FLI1: variants seen among roughly 807,000 people sequenced by gnomAD.
FLI1 encodes Friend leukemia integration 1 transcription factor.
Under a neutral mutation model 53.1 loss-of-function variants are expected in FLI1, and 13 were observed. The observed-to-expected ratio is 0.24, with a 90% CI of 0.16 to 0.39. The LOEUF is 0.39. Among genes scored for constraint, FLI1 ranks in the 10% least tolerant of loss-of-function variants. The pLI is 1.00. For synonymous variants in FLI1, 244 were observed against 236.7 expected (o/e 1.03, Z -0.28); for missense variants, 424 against 600.5 (o/e 0.71, Z 3.07).
chr11:128,702,646 G>C (rs1938384369), intron 1 of FLI1, among the ~76,000 whole-genome samples: 1 of 152,218 alleles, frequency 6.6e-6, no homozygotes, highest in African/African-American at 2.4e-5. Context: ...TGGATCACCT[G>C]AGGTCAGGAG....
At chr11:128,702,971 C>A (rs1225744062) in intron 1 of FLI1, among the ~76,000 whole-genome samples, 4 of 151,064 alleles carry the variant, frequency 2.6e-5, no homozygotes, top group Non-Finnish European at 4.4e-5. Flanking sequence ...TCCTATCATA[C>A]AAAGACTACT....
At chr11:128,713,392 G>A (rs563622426) in intron 1 of FLI1, among the ~76,000 whole-genome samples, 1 of 152,172 alleles carries the variant, frequency 6.6e-6, no homozygotes, top group African/African-American at 2.4e-5. Context: ...TTTTCAAATT[G>A]CATTGGGAAG....
At chr11:128,688,411 C>A (rs1388891230) in intron 1 of FLI1, among the ~76,000 whole-genome samples, 1 of 152,234 alleles carries the variant, frequency 6.6e-6, no homozygotes, top group Non-Finnish European at 1.5e-5. Flanking sequence ...TTGATGGCGG[C>A]GAAAGGTCTG....
chr11:128,780,040 A>G (rs1010326656), intron 4 of FLI1, among the ~76,000 whole-genome samples: 1 of 152,252 alleles, frequency 6.6e-6, no homozygotes, highest in Non-Finnish European at 1.5e-5. Context: ...TATGTGGTCC[A>G]TCTTTGCCCA....
Position 128,733,128 on chromosome 11 carries a change from C to T in FLI1, c.19-24987C>T, listed in dbSNP as rs113893740. Among the ~76,000 whole-genome samples, 13 of 152,086 alleles carry T rather than the reference C, an allele frequency of 8.5e-5. No homozygotes were observed. In the South Asian group the frequency reaches 2.1e-3, roughly 24 times the overall value. On this transcript the variant is annotated intron_variant, in intron 1 of 8. Coordinates refer to ENST00000527786, the MANE Select transcript of FLI1 (RefSeq NM_002017.5). ...ATCCTGAAGCTCCAAGGGAAAGGGC[C>T]GCACAATGCAGTCTGCAGCGTTTTC...
intron 1 of FLI1, among the ~76,000 whole-genome samples, chr11:128,702,580 G>C (rs1424899371): frequency 6.6e-6 from 1 of 152,096 alleles, no homozygotes; most frequent in South Asian, 2.1e-4. Flanking sequence ...ATTAACATGG[G>C]GCCAGGCACG....
At chr11:128,729,466 T>C (rs1312093575) in intron 1 of FLI1, among the ~76,000 whole-genome samples, 1 of 152,208 alleles carries the variant, frequency 6.6e-6, no homozygotes, top group South Asian at 2.1e-4. Flanking sequence ...GTGATGAGAC[T>C]GAACAATGGT....
intron 5 of FLI1, among the ~76,000 whole-genome samples, chr11:128,795,621 G>T (rs559072947): frequency 6.9e-6 from 1 of 145,876 alleles, no homozygotes; most frequent in South Asian, 2.1e-4. Flanking sequence ...GTTCAGTGAC[G>T]CTCACTGCAA....
intron 1 of FLI1, among the ~76,000 whole-genome samples, chr11:128,740,145 A>G (rs963638099): frequency 2.0e-5 from 3 of 152,190 alleles, no homozygotes; most frequent in Non-Finnish European, 4.4e-5. Flanking sequence ...CGGGAGTTGG[A>G]AGAGAAGCTA....
intron 1 of FLI1, among the ~76,000 whole-genome samples, chr11:128,737,590 A>G (rs1407653678): frequency 1.3e-5 from 2 of 152,214 alleles, no homozygotes; most frequent in African/African-American, 2.4e-5. Flanking sequence ...TGATGCATGA[A>G]TGTATTCTGT....
chr11:128,768,851 G>T (rs1288323253), intron 3 of FLI1, among the ~76,000 whole-genome samples: 1 of 152,304 alleles, frequency 6.6e-6, no homozygotes, highest in South Asian at 2.1e-4. Context: ...TCAAGGACGG[G>T]CTGCTCAGAG....
At chr11:128,697,375 T>C (rs1938126456) in intron 1 of FLI1, among the ~76,000 whole-genome samples, 1 of 152,140 alleles carries the variant, frequency 6.6e-6, no homozygotes. Context: ...AAAGCCCGGG[T>C]TCATTCTCAG....
At chr11:128,768,933 G>A (rs1430491887) in intron 3 of FLI1, among the ~76,000 whole-genome samples, 1 of 152,214 alleles carries the variant, frequency 6.6e-6, no homozygotes, top group Non-Finnish European at 1.5e-5. Flanking sequence ...TGCCTGTGAG[G>A]AGGAGGTCAG....
At chr11:128,715,927 A>C (rs1191533644) in intron 1 of FLI1, among the ~76,000 whole-genome samples, 1 of 152,228 alleles carries the variant, frequency 6.6e-6, no homozygotes, top group Non-Finnish European at 1.5e-5. Context: ...CCATCCACTA[A>C]GGAGAGCAAG....
At chr11:128,739,417 C>A (rs915313455) in intron 1 of FLI1, among the ~76,000 whole-genome samples, 5 of 152,100 alleles carry the variant, frequency 3.3e-5, no homozygotes, top group African/African-American at 1.2e-4. Context: ...CTGCTGCCCC[C>A]ACCCCTCAAC....
At chr11:128,792,334 A>T (rs576822096) in intron 5 of FLI1, among the ~76,000 whole-genome samples, 1 of 152,036 alleles carries the variant, frequency 6.6e-6, no homozygotes, top group East Asian at 1.9e-4. Flanking sequence ...TCATCTATTG[A>T]CTCCTGCTAC....
intron 3 of FLI1, chr11:128,768,490 C>T: frequency 9.1e-6 from 5 of 551,214 alleles, no homozygotes; most frequent in Non-Finnish European, 1.6e-5. Flanking sequence ...ACCAGCCTAG[C>T]CAACGTGGTG....
At chr11:128,696,533 T>C (rs1938084994) in intron 1 of FLI1, among the ~76,000 whole-genome samples, 1 of 152,186 alleles carries the variant, frequency 6.6e-6, no homozygotes, top group Non-Finnish European at 1.5e-5. Flanking sequence ...ATCACAAAAA[T>C]GAAACAGTGG....
At chr11:128,738,041 C>T (rs1289565131) in intron 1 of FLI1, among the ~76,000 whole-genome samples, 2 of 152,220 alleles carry the variant, frequency 1.3e-5, no homozygotes, top group Non-Finnish European at 2.9e-5. Flanking sequence ...TGAGCCTTAA[C>T]AAGTCATGGC....
Sources: gnomAD v4.1 joint callset for allele counts (sites outside exome capture counted in the v4.1 genomes callset) on GRCh38, gnomAD v4.1.1 for gene constraint, MANE v1.5 for transcripts, NCBI Gene and HGNC (gene_info 2026-07-23, HGNC 2026-07-21) for gene names.